CWF19L2: variants seen among roughly 807,000 people sequenced by gnomAD.
CWF19L2 encodes CWF19 like cell cycle control factor 2, also known as CWF19-like protein 2.
A neutral mutation model predicts 111.7 loss-of-function variants in CWF19L2; 98 were observed. The ratio of observed to expected loss-of-function variants is 0.88; its 90% CI spans 0.75 to 1.04. CWF19L2 has a LOEUF of 1.04. CWF19L2 is among the 50% of genes least tolerant of loss of function. The pLI, the probability that CWF19L2 is intolerant of heterozygous loss-of-function variation, is 0.00. For synonymous variants in CWF19L2, 351 were observed against 342.9 expected, an observed-to-expected ratio of 1.02 and a Z score of -0.26; for missense variants, 1,101 against 1,051.4, an observed-to-expected ratio of 1.05 and a Z score of -0.65.
At chr11:107,368,285 G>C (rs924016802) in intron 12 of CWF19L2, among the ~76,000 whole-genome samples, 1 of 137,568 alleles carries the variant, frequency 7.3e-6, no homozygotes, top group Admixed American at 7.1e-5. Flanking sequence ...AAATACAAAA[G>C]AGCATCAGAG....
chr11:107,338,337 T>C (rs894185048), intron 14 of CWF19L2, among the ~76,000 whole-genome samples: 6 of 152,316 alleles, frequency 3.9e-5, no homozygotes, highest in African/African-American at 1.2e-4. Flanking sequence ...TCTTTAATTC[T>C]GACATTTCAA....
chr11:107,344,232 G>A (rs1042809868), intron 14 of CWF19L2, among the ~76,000 whole-genome samples: 4 of 152,106 alleles, frequency 2.6e-5, no homozygotes, highest in African/African-American at 9.7e-5. Context: ...TTCTGGGGCT[G>A]CCAGCATTTC....
chr11:107,431,489 A>G (rs1861465086), intron 7 of CWF19L2, among the ~76,000 whole-genome samples: 1 of 152,090 alleles, frequency 6.6e-6, no homozygotes, highest in African/African-American at 2.4e-5. Flanking sequence ...TCCTTAATTT[A>G]TCTATACATT....
intron 12 of CWF19L2, 122 bp from the exon 13 acceptor site, chr11:107,353,858 G>T (rs1860196569): frequency 1.5e-6 from 1 of 676,906 alleles, no homozygotes; most frequent in Non-Finnish European, 2.5e-6. Flanking sequence ...TAAAAGAAAA[G>T]AAAAAACATG....
Position 107,336,726 on chromosome 11 carries a change from A to AG in CWF19L2, c.2203-14_2203-13insC. 1 of 1,357,342 alleles carries AG rather than the reference A, an allele frequency of 7.4e-7. No individual in the cohort carries two copies. Among genetic ancestry groups the AG allele is most frequent in the Non-Finnish European group, 1.0e-6 (1 of 1,003,248 alleles). The allele number at this position is 1,357,342 out of a possible 1,614,324, so 84.1% of individuals were successfully genotyped here. The stretch of plus-strand genomic sequence containing the variant: ...ATTTTCTGAACATCTAAAAAAAAAA[A>AG]AGAACTAGGTAAAGAAAACACTTAA... On this transcript the variant is annotated splice_polypyrimidine_tract_variant and intron_variant, in intron 14 of 17. Coordinates refer to ENST00000282251, the MANE Select transcript of CWF19L2 (RefSeq NM_152434.3).
At chr11:107,422,866 C>A (rs1861321247) in intron 8 of CWF19L2, among the ~76,000 whole-genome samples, 2 of 151,890 alleles carry the variant, frequency 1.3e-5, no homozygotes, top group African/African-American at 4.8e-5. Flanking sequence ...AAAAAAAAAT[C>A]TCTACAGAAA....
At chr11:107,353,876 T>C (rs1860196778) in intron 12 of CWF19L2, 140 bp from the exon 13 acceptor site, 2 of 650,006 alleles carry the variant, frequency 3.1e-6, no homozygotes, top group South Asian at 4.0e-5. Flanking sequence ...ATGATTAATA[T>C]TTGTTTGATC....
chr11:107,455,905 C>A, intron 1 of CWF19L2, 129 bp from the exon 2 acceptor site: 2 of 558,002 alleles, frequency 3.6e-6, no homozygotes, highest in Non-Finnish European at 3.2e-6. Context: ...CTATTCCTTG[C>A]CAGGGATTTG....
chr11:107,356,106 T>A (rs1860233510), intron 12 of CWF19L2, among the ~76,000 whole-genome samples: 1 of 152,100 alleles, frequency 6.6e-6, no homozygotes, highest in Non-Finnish European at 1.5e-5. Context: ...AACTGCCACA[T>A]ACCTGGTATT....
rs1358750348 is a variant in CWF19L2, at chr11:107,367,734, G to A, written c.1873-13998C>T. On this transcript the variant is annotated intron_variant, in intron 12 of 17. Transcript: ENST00000282251. ...GGAGATATACCTAATGCTAGATGACGAGTTACTGGGTGCAGCGTACCAGCA... is the reference window on the plus strand; with the variant it reads ...GGAGATATACCTAATGCTAGATGACAAGTTACTGGGTGCAGCGTACCAGCA... Among the ~76,000 whole-genome samples, 2 of 127,230 alleles carry A rather than the reference G, an allele frequency of 1.6e-5. 1 individual carries two copies. Among genetic ancestry groups the A allele is most frequent in the African/African-American group, 6.5e-5 (2 of 30,888 alleles). The allele number at this position is 127,230 out of a possible 152,430, so 83.5% of individuals were successfully genotyped here. A position where few individuals can be genotyped will look rare whatever the true frequency, so the allele number is the denominator to read the frequency against.
At chr11:107,410,620 C>G (rs1440715503) in intron 10 of CWF19L2, among the ~76,000 whole-genome samples, 1 of 152,080 alleles carries the variant, frequency 6.6e-6, no homozygotes, top group African/African-American at 2.4e-5. Context: ...GTCCACTGCT[C>G]AAAGATAGGA....
chr11:107,402,331 A>T (rs1051759317), intron 10 of CWF19L2, among the ~76,000 whole-genome samples: 10 of 151,924 alleles, frequency 6.6e-5, no homozygotes, highest in African/African-American at 2.4e-4. Flanking sequence ...CAACCTATAC[A>T]CCTGACAGAG....
intron 14 of CWF19L2, among the ~76,000 whole-genome samples, chr11:107,341,189 C>T (rs12364307): frequency 3.3e-5 from 5 of 152,070 alleles, no homozygotes; most frequent in Non-Finnish European, 7.4e-5. Flanking sequence ...AAACTGGACC[C>T]TAAGCACATT....
At chr11:107,440,798 CA>C (rs1378929170) in intron 5 of CWF19L2, among the ~76,000 whole-genome samples, 1 of 151,768 alleles carries the variant, frequency 6.6e-6, no homozygotes, top group African/African-American at 2.4e-5. Flanking sequence ...TCTGAATGAC[CA>C]AAAAACATGA....
intron 12 of CWF19L2, among the ~76,000 whole-genome samples, chr11:107,355,326 A>G (rs982720480): frequency 4.6e-5 from 7 of 151,944 alleles, no homozygotes; most frequent in Non-Finnish European, 7.4e-5. Flanking sequence ...GAGACAGGAG[A>G]ATCGCTTGAA....
chr11:107,332,049 C>T (rs1052413438), intron 16 of CWF19L2, among the ~76,000 whole-genome samples: 3 of 152,146 alleles, frequency 2.0e-5, no homozygotes, highest in Non-Finnish European at 4.4e-5. Context: ...GAAAAATAGA[C>T]ATATTTGGAT....
chr11:107,386,366 T>A (rs560891296), intron 12 of CWF19L2, among the ~76,000 whole-genome samples: 9 of 152,316 alleles, frequency 5.9e-5, no homozygotes, highest in Middle Eastern at 3.4e-3. Context: ...ACTAATACTC[T>A]GCCTTTCCTC....
intron 3 of CWF19L2, among the ~76,000 whole-genome samples, chr11:107,444,358 C>T (rs116975491): frequency 2.7e-3 from 408 of 152,342 alleles, no homozygotes; most frequent in Middle Eastern, 6.8e-3. Context: ...TTTCAGTCTT[C>T]AGCTCTCTAG....
At chr11:107,371,030 T>G (rs1460677393) in intron 12 of CWF19L2, among the ~76,000 whole-genome samples, 1 of 127,758 alleles carries the variant, frequency 7.8e-6, no homozygotes, top group Non-Finnish European at 1.6e-5. Flanking sequence ...TTTTTTTTTT[T>G]TGAGACGGAG....
Sources: gnomAD v4.1 joint callset for allele counts (sites outside exome capture counted in the v4.1 genomes callset) on GRCh38, gnomAD v4.1.1 for gene constraint, MANE v1.5 for transcripts, NCBI Gene and HGNC (gene_info 2026-07-23, HGNC 2026-07-21) for gene names.